RSL24D1: variants seen among roughly 807,000 people sequenced by gnomAD.
The protein encoded by RSL24D1 is ribosomal L24 domain containing 1, also known as probable ribosome biogenesis protein RLP24.
RSL24D1 carries 6 observed loss-of-function variants against 26.2 expected under a neutral mutation model. The observed-to-expected ratio is 0.23, with a 90% confidence interval of 0.13 to 0.45. The LOEUF (loss-of-function observed/expected upper bound fraction) is 0.45. RSL24D1 is among the 20% of genes least tolerant of loss of function. The pLI, the probability that RSL24D1 is intolerant of heterozygous loss-of-function variation, is 0.99. For missense variants in RSL24D1, 176 were observed against 202.6 expected (o/e 0.87, Z 0.80); for synonymous variants, 61 against 59.1 (o/e 1.03, Z -0.15).
rs761370511 is a variant in RSL24D1, at chr15:55,192,717, C to A, written c.195+3G>T. 6.3e-7 allele frequency: 1 copy of A among 1,594,176 alleles called. No individual in the cohort carries two copies. Among genetic ancestry groups the A allele is most frequent in the Non-Finnish European group, 8.6e-7 (1 of 1,161,982 alleles). ...AACTATATTGATAGCTAACCGTACTCACCACTGTAAGCTCTTTACCAGCTG... is the reference window on the plus strand; with the variant it reads ...AACTATATTGATAGCTAACCGTACTAACCACTGTAAGCTCTTTACCAGCTG... On this transcript the variant is annotated splice_donor_region_variant and intron_variant, in intron 2 of 5. Transcript: ENST00000260443.
chr15:55,191,601 T>C (rs1263938545), intron 2 of RSL24D1, among the ~76,000 whole-genome samples: 1 of 152,218 alleles, frequency 6.6e-6, no homozygotes, highest in African/African-American at 2.4e-5. Context: ...AGTCAGGCCC[T>C]ACATTTCTTC....
intron 1 of RSL24D1, among the ~76,000 whole-genome samples, chr15:55,193,339 C>T (rs750394388): frequency 1.1e-4 from 17 of 152,188 alleles, no homozygotes; most frequent in Non-Finnish European, 2.1e-4. Flanking sequence ...ACTACTTTAA[C>T]TCTCCACCTT....
chr15:55,195,188 G>C (rs1050227633), intron 1 of RSL24D1: 17 of 152,080 alleles, frequency 1.1e-4, no homozygotes, highest in African/African-American at 4.1e-4. Flanking sequence ...AAAAGATTCA[G>C]ACGACTCTCA....
chr15:55,183,852 C>G (rs1252415964), intron 4 of RSL24D1, among the ~76,000 whole-genome samples: 2 of 152,028 alleles, frequency 1.3e-5, no homozygotes, highest in African/African-American at 4.8e-5. Flanking sequence ...TAGACTGGCA[C>G]GAAATGGGAG....
At chr15:55,190,394 AAAAAC>A (rs566227560) in intron 3 of RSL24D1, among the ~76,000 whole-genome samples, 28 of 150,584 alleles carry the variant, frequency 1.9e-4, no homozygotes, top group Non-Finnish European at 2.7e-4. Context: ...TTCAGGGAAA[AAAAAC>A]AAAACAAAAC....
At position 55,183,198 on chromosome 15, in the gene RSL24D1, C is replaced by T. The variant is rs959513213; in HGVS notation, c.418+117G>A. ...ACTGAATAAATTACATTTTTATAGG[C>T]CAAATCATATCATAAATTTACTATG... is the stretch of plus-strand genomic sequence containing the variant. On this transcript the variant is annotated intron_variant, in intron 5 of 5. Transcript: ENST00000260443. The T allele has an allele frequency of 5.8e-6, 4 of 690,960 alleles. No homozygotes were observed. In the East Asian group the frequency reaches 1.1e-4, roughly 20 times the overall value. 42.8% of individuals were successfully genotyped at this position (690,960 alleles called of 1,614,324 possible).
At chr15:55,185,670 G>A (rs533960347) in intron 3 of RSL24D1, among the ~76,000 whole-genome samples, 7 of 152,268 alleles carry the variant, frequency 4.6e-5, no homozygotes, top group African/African-American at 1.7e-4. Context: ...CTCTACTGCT[G>A]TTAAATTTTC....
chr15:55,183,096 G>A (rs1894187282), intron 5 of RSL24D1, among the ~76,000 whole-genome samples: 1 of 152,000 alleles, frequency 6.6e-6, no homozygotes. Flanking sequence ...CATAACTTGG[G>A]GGGATATGGA....
chr15:55,196,860 C>A lies in RSL24D1; in HGVS notation c.31G>T (p.Gly11Trp). The change falls in exon 1 of 6, where the codon GGG (glycine) becomes TGG (tryptophan). Residue 11 changes from glycine (G) to tryptophan (W), a missense_variant. Gly to Trp is a radical substitution (Grantham distance 184, BLOSUM62 -2). Coordinates refer to ENST00000260443, the MANE Select transcript of RSL24D1 (RefSeq NM_016304.3). MRIEKCYFCSGPIYPGHGMMF... is the reference protein window; with the variant it reads MRIEKCYFCSWPIYPGHGMMF... ...ATGCCGTGTCCAGGATAGATGGGCC[C>A]CGAACAGAAATAACACTTTTCGATA... 6.2e-7 allele frequency: 1 copy of A among 1,614,180 alleles called. No individual in the cohort carries two copies. Among genetic ancestry groups the A allele is most frequent in the Non-Finnish European group, 8.5e-7 (1 of 1,180,032 alleles).
intron 1 of RSL24D1, 66 bp from the exon 2 acceptor site, chr15:55,192,899 C>T: frequency 1.0e-6 from 1 of 988,062 alleles, no homozygotes; most frequent in Non-Finnish European, 1.6e-6. Flanking sequence ...GACGTTACCC[C>T]TGCTAGACAA....
At chr15:55,189,561 T>A (rs927283684) in intron 3 of RSL24D1, among the ~76,000 whole-genome samples, 3 of 152,216 alleles carry the variant, frequency 2.0e-5, no homozygotes, top group African/African-American at 7.2e-5. Context: ...CACGGCCCAA[T>A]ATAAATTCGT....
At chr15:55,188,870 T>C (rs959097167) in intron 3 of RSL24D1, among the ~76,000 whole-genome samples, 2 of 151,952 alleles carry the variant, frequency 1.3e-5, no homozygotes, top group Non-Finnish European at 2.9e-5. Context: ...AAGGTCAAAA[T>C]GAAATAAAAC....
chr15:55,191,956 T>C (rs928226289), intron 2 of RSL24D1, among the ~76,000 whole-genome samples: 1 of 152,230 alleles, frequency 6.6e-6, no homozygotes. Context: ...ACAGTAATTA[T>C]GATTTGGCCT....
intron 3 of RSL24D1, among the ~76,000 whole-genome samples, chr15:55,188,729 A>C (rs1894250610): frequency 6.6e-6 from 1 of 152,268 alleles, no homozygotes; most frequent in Admixed American, 6.5e-5. Flanking sequence ...GGAACTGATT[A>C]TTCACATATC....
intron 1 of RSL24D1, among the ~76,000 whole-genome samples, chr15:55,195,744 T>C (rs996543404): frequency 6.6e-6 from 1 of 152,246 alleles, no homozygotes; most frequent in Non-Finnish European, 1.5e-5. Context: ...TAGGTTCTTT[T>C]ACGTTATCAA....
At chr15:55,186,854 T>C (rs1894229900) in intron 3 of RSL24D1, among the ~76,000 whole-genome samples, 1 of 152,108 alleles carries the variant, frequency 6.6e-6, no homozygotes, top group Non-Finnish European at 1.5e-5. Context: ...AAGAAGTATT[T>C]TGCATGCTTA....
chr15:55,196,376 C>G, intron 1 of RSL24D1: 1 of 459,686 alleles, frequency 2.2e-6, no homozygotes, highest in Non-Finnish European at 4.4e-6. Context: ...ATACATAACT[C>G]TACCATTAAG....
chr15:55,191,529 G>C (rs1894297892), intron 2 of RSL24D1, among the ~76,000 whole-genome samples: 1 of 151,554 alleles, frequency 6.6e-6, no homozygotes, highest in African/African-American at 2.4e-5. Context: ...CTATGTTATA[G>C]CAAAAAGGTA....
chr15:55,189,949 AAAG>A (rs1370697384), intron 3 of RSL24D1, among the ~76,000 whole-genome samples: 1 of 152,202 alleles, frequency 6.6e-6, no homozygotes, highest in African/African-American at 2.4e-5. Flanking sequence ...CATGGGAAGA[AAAG>A]AAGGCCGGGC....
Sources: allele counts gnomAD v4.1 joint callset (sites outside exome capture counted in the v4.1 genomes callset), GRCh38; gene constraint gnomAD v4.1.1; transcripts MANE v1.5; gene names NCBI Gene and HGNC (gene_info 2026-07-23, HGNC 2026-07-21).